The following DYNC2H1 variants were observed in gnomAD, a reference collection of about 807,000 sequenced individuals.
The protein encoded by DYNC2H1 is cytoplasmic dynein 2 heavy chain 1.
A neutral mutation model predicts 570.0 loss-of-function variants in DYNC2H1; 410 were observed. The observed-to-expected ratio is 0.72, with a 90% confidence interval of 0.66 to 0.78. The LOEUF is 0.78. Among genes scored for constraint, DYNC2H1 ranks in the 30% least tolerant of loss-of-function variants. The pLI is 0.00. For missense variants in DYNC2H1, 4,865 were observed against 5,046.4 expected, an observed-to-expected ratio of 0.96 and a Z score of 1.09; for synonymous variants, 1,688 against 1,677.6, an observed-to-expected ratio of 1.01 and a Z score of -0.15.
rs1864911557 is a variant in DYNC2H1 at position 103,253,293 on chromosome 11, T to C, written c.10051T>C (p.Tyr3351His). 4 of 1,611,646 alleles carry C rather than the reference T, an allele frequency of 2.5e-6. No individual in the cohort carries two copies. Among genetic ancestry groups the C allele is most frequent in the African/African-American group, 2.7e-5 (2 of 74,998 alleles). Residue 3351 changes from tyrosine to histidine, a missense_variant, in exon 66 of 89, where the codon TAT (tyrosine) becomes CAT (histidine). Physicochemically the swap from Tyr to His is moderately conservative, Grantham distance 83. Around this residue, in one of 5 missense-constraint regions of DYNC2H1, gnomAD observed 2,401 missense variants for 2,454.6 expected, o/e 0.98. Transcript: ENST00000375735. Reference protein sequence around the residue: ...RRDLVAQGPRYVVQIGDKIID... With the variant: ...RRDLVAQGPRHVVQIGDKIID... ...GTGTTTTTTTTAAATAGGACCACGT[T>C]ATGTGGTACAAATAGGTGACAAAAT...
chr11:103,186,446 A>C lies in DYNC2H1; in HGVS notation c.6838A>C (p.Ser2280Arg). ...RGLDYFKPWL[S>R]SDTKQPFILV... is the part of the protein sequence containing the mutation. ...TCTAGATTATTTCAAACCATGGTTA[A>C]GTTCTGATACTAAACAGCCCTTTAT... Residue 2280 changes from serine (S) to arginine (R), a missense_variant, in exon 42 of 89, where the codon AGT becomes CGT. This residue lies in a region of DYNC2H1 where 2,401 missense variants were observed against 2,454.6 expected (regional missense o/e 0.98). Coordinates refer to ENST00000375735, the MANE Select transcript of DYNC2H1 (RefSeq NM_001377.3). The surrounding 1 kb of genome is among the most constrained non-coding windows in gnomAD (Gnocchi z 4.5). The C allele has an allele frequency of 6.2e-7, 1 of 1,612,604 alleles. No individual in the cohort carries two copies. The highest frequency in any genetic ancestry group is 8.5e-7 in the Non-Finnish European group (1 of 1,179,116).
intron 87 of DYNC2H1, among the ~76,000 whole-genome samples, chr11:103,459,969 G>C (rs313865): frequency 6.4e-5 from 8 of 124,420 alleles, no homozygotes; most frequent in Non-Finnish European, 1.3e-4. Flanking sequence ...AAAAAAAAAA[G>C]AAAAAAAAAA....
At chr11:103,356,426 G>A (rs1326627539) in intron 82 of DYNC2H1, among the ~76,000 whole-genome samples, 1 of 151,888 alleles carries the variant, frequency 6.6e-6, no homozygotes, top group Non-Finnish European at 1.5e-5. Context: ...TCTTTTTTTG[G>A]TTGGTGTACA....
intron 84 of DYNC2H1, among the ~76,000 whole-genome samples, chr11:103,418,517 G>A (rs201747080): frequency 6.6e-6 from 1 of 152,190 alleles, no homozygotes; most frequent in Non-Finnish European, 1.5e-5. Context: ...TACTGTGCTT[G>A]TGGATCAAGA....
intron 15 of DYNC2H1, among the ~76,000 whole-genome samples, chr11:103,135,023 T>C (rs1349964498): frequency 1.3e-5 from 2 of 152,092 alleles, no homozygotes; most frequent in African/African-American, 4.8e-5. Context: ...TTTATGGTTG[T>C]ATAGAAGCAA....
In DYNC2H1 at chr11:103,299,839, T is replaced by C. The variant is rs1866974559; in HGVS notation, c.11096-3254T>C. ...GGGCTTAGGATTCTTGAAAGAGGTATCTTTAGAATTCTGCCTACCACAATA... is the reference window on the plus strand; with the variant it reads ...GGGCTTAGGATTCTTGAAAGAGGTACCTTTAGAATTCTGCCTACCACAATA... On this transcript the variant is annotated intron_variant, in intron 75 of 88. Coordinates refer to ENST00000375735, the MANE Select transcript of DYNC2H1 (RefSeq NM_001377.3). The surrounding 1 kb of genome is among the most constrained non-coding windows in gnomAD (Gnocchi z 4.5). Among the ~76,000 whole-genome samples, 2 of 152,222 alleles carry C rather than the reference T, an allele frequency of 1.3e-5. No individual in the cohort carries two copies. Among genetic ancestry groups the C allele is most frequent in the South Asian group, 4.1e-4 (2 of 4,828 alleles).
chr11:103,354,417 A>G (rs1157382430), intron 82 of DYNC2H1, among the ~76,000 whole-genome samples: 1 of 152,014 alleles, frequency 6.6e-6, no homozygotes, highest in African/African-American at 2.4e-5. Flanking sequence ...GGTGATTTAG[A>G]ATGCTGTAAC....
chr11:103,446,575 A>G lies in DYNC2H1; in HGVS notation c.12457-8611A>G, dbSNP rs1944431020. On this transcript the variant is annotated intron_variant, in intron 85 of 88. Transcript: ENST00000375735. This position sits in a 1 kb window ranked among gnomAD's most constrained non-coding sequence, Gnocchi z 4.5. ...AATAAGGGGTGAAGTTGAGACAGCA[A>G]ATATAGACAGTTTTTTCAGGGAGTT... Among the ~76,000 whole-genome samples, 1 of 152,204 alleles carries G rather than the reference A, an allele frequency of 6.6e-6. No homozygotes were observed. The highest frequency in any genetic ancestry group is 2.4e-5 in the African/African-American group (1 of 41,444).
At chr11:103,408,095 A>G (rs1942937977) in intron 84 of DYNC2H1, 1 of 151,932 alleles carries the variant, frequency 6.6e-6, no homozygotes, top group African/African-American at 2.4e-5. Flanking sequence ...AATTAATAAG[A>G]GGATCCGGTA....
chr11:103,424,705 CA>C (rs72076859), intron 84 of DYNC2H1, among the ~76,000 whole-genome samples: 73 of 130,982 alleles, frequency 5.6e-4, no homozygotes, highest in Middle Eastern at 4.2e-3. Flanking sequence ...ACTGGCTCTC[CA>C]AAAAAAAAAA....
chr11:103,391,896 A>T (rs1325710997), intron 83 of DYNC2H1, among the ~76,000 whole-genome samples: 1 of 129,420 alleles, frequency 7.7e-6, no homozygotes, highest in Non-Finnish European at 1.8e-5. Context: ...GTGAGGTGTC[A>T]TTGTGCCCCT....
chr11:103,396,348 G>A (rs916783249), intron 83 of DYNC2H1, among the ~76,000 whole-genome samples: 15 of 152,142 alleles, frequency 9.9e-5, no homozygotes, highest in South Asian at 4.1e-4. Flanking sequence ...TTAAAACCCA[G>A]TCATACCTAT....
At chr11:103,329,626 G>GT (rs1320231023) in intron 82 of DYNC2H1, among the ~76,000 whole-genome samples, 1 of 152,094 alleles carries the variant, frequency 6.6e-6, no homozygotes, top group East Asian at 1.9e-4. Context: ...ACTGAAGCAT[G>GT]TTTTTTTCTG....
chr11:103,338,812 G>C (rs1378106694), intron 82 of DYNC2H1, among the ~76,000 whole-genome samples: 1 of 152,088 alleles, frequency 6.6e-6, no homozygotes, highest in Non-Finnish European at 1.5e-5. Flanking sequence ...TCCAGGATTG[G>C]TCACTGGTGC....
chr11:103,159,016 A>G lies in DYNC2H1; in HGVS notation c.4367A>G (p.Lys1456Arg). The change falls in exon 28 of 89, where the codon AAG becomes AGG. Residue 1456 changes from lysine (K) to arginine (R), a missense_variant. Physicochemically the swap from Lys to Arg is conservative, Grantham distance 26 (BLOSUM62 2). Around this residue, in one of 5 missense-constraint regions of DYNC2H1, gnomAD observed 1,936 missense variants for 1,962.1 expected, o/e 0.99. Transcript: ENST00000375735. ...TCAGTGATTCAGTCTCACCTGAAGA[A>G]GCTTTTTGCTGGTAGGATTCAACAT... The part of the protein sequence containing the change: ...NPSVIQSHLK[K>R]LFAGINSVCF... 1 of 1,611,456 alleles carries G rather than the reference A, an allele frequency of 6.2e-7. No homozygotes were observed. Among genetic ancestry groups the G allele is most frequent in the Non-Finnish European group, 8.5e-7 (1 of 1,178,736 alleles).
At chr11:103,156,279 T>C in intron 25 of DYNC2H1, 109 bp from the exon 26 acceptor site, 1 of 1,161,814 alleles carries the variant, frequency 8.6e-7, no homozygotes, top group Non-Finnish European at 1.2e-6. Context: ...TTTTTTGCCT[T>C]ATGGTGAAAA....
At position 103,209,920 on chromosome 11, in the gene DYNC2H1, C is replaced by T. The variant is rs1863081247; in HGVS notation, c.8499C>T (p.Tyr2833=). Reference sequence around the variant, plus strand: ...GTGAAACAGGTGGTGGAGAAAAATACAATGATAAAAAACGAAAAGAAGAAA... The same window carrying T: ...GTGAAACAGGTGGTGGAGAAAAATATAATGATAAAAAACGAAAAGAAGAAA... The part of the protein sequence containing the change: ...LFSETGGGEK[Y]NDKKRKEEKK... The change falls in exon 53 of 89, where the codon TAC becomes TAT. Residue 2833 remains tyrosine (Y), a synonymous_variant. Transcript: ENST00000375735. This position sits in a 1 kb window ranked among gnomAD's most constrained non-coding sequence, Gnocchi z 4.2. 2 of 1,491,736 alleles carry T rather than the reference C, an allele frequency of 1.3e-6. No individual in the cohort carries two copies. The highest frequency in any genetic ancestry group is 1.3e-5 in the South Asian group (1 of 75,390). The allele number at this position is 1,491,736 out of a possible 1,614,324, so 92.4% of individuals were successfully genotyped here.
At position 103,205,046 on chromosome 11, in the gene DYNC2H1, G is replaced by A; in HGVS notation, c.8454+82G>A. ...ATTTTCACAACTTCTCTTTGGTGTT[G>A]GTTATAACATCACCTTAATTATGGC... is the stretch of plus-strand genomic sequence containing the variant. On this transcript the variant is annotated intron_variant, in intron 52 of 88. Coordinates refer to ENST00000375735, the MANE Select transcript of DYNC2H1 (RefSeq NM_001377.3). This position sits in a 1 kb window ranked among gnomAD's most constrained non-coding sequence, Gnocchi z 4.5. The A allele has an allele frequency of 7.8e-7, 1 of 1,283,260 alleles. No individual in the cohort carries two copies. The highest frequency in any genetic ancestry group is 1.1e-6 in the Non-Finnish European group (1 of 938,148). The allele number at this position is 1,283,260 out of a possible 1,614,324, so 79.5% of individuals were successfully genotyped here.
intron 84 of DYNC2H1, among the ~76,000 whole-genome samples, chr11:103,408,888 G>T (rs1322538593): frequency 2.0e-5 from 3 of 152,020 alleles, no homozygotes; most frequent in African/African-American, 7.2e-5. Context: ...ATGGGTTAGG[G>T]CGAGTTTCTA....
Sources: gnomAD v4.1 joint callset for allele counts (sites outside exome capture counted in the v4.1 genomes callset) on GRCh38, gnomAD v4.1.1 for gene constraint, gnomAD v4.1.1 regional missense constraint, Gnocchi (gnomAD v3.1) non-coding constraint, MANE v1.5 for transcripts, NCBI Gene and HGNC (gene_info 2026-07-23, HGNC 2026-07-21) for gene names.